DCST2: variants seen among roughly 807,000 people sequenced by gnomAD.
DCST2 encodes the protein DC-STAMP domain-containing protein 2.
Under a neutral mutation model 81.8 loss-of-function variants are expected in DCST2, and 64 were observed. That is an observed-to-expected ratio of 0.78 (90% CI 0.64 to 0.96). The LOEUF (loss-of-function observed/expected upper bound fraction) is 0.96. Among genes scored for constraint, DCST2 ranks in the 40% least tolerant of loss-of-function variants. The pLI is 0.00. For synonymous variants in DCST2, 354 were observed against 402.6 expected, an observed-to-expected ratio of 0.88 and a Z score of 1.44; for missense variants, 945 against 1,001.4, an observed-to-expected ratio of 0.94 and a Z score of 0.76.
At chr1:155,031,317 G>T (rs1365108585) in intron 4 of DCST2, 83 bp from the exon 5 acceptor site, 5 of 1,393,032 alleles carry the variant, frequency 3.6e-6, no homozygotes, top group East Asian at 4.7e-5. Context: ...TTCTCACAGG[G>T]CCTCTTTTCG....
chr1:155,026,361 T>C lies in DCST2; in HGVS notation c.1552A>G (p.Ser518Gly), dbSNP rs762263892. Reference protein sequence around the residue: ...GLCFFITLFGSYVSRLRRVIC... With the variant: ...GLCFFITLFGGYVSRLRRVIC... ...ACTCGCCGCAGCCGGCTGACATAGC[T>C]GCCAAACAGGGTGATGAAGAAGCAT... Residue 518 changes from serine (S) to glycine (G), a missense_variant, in exon 10 of 15, where the codon AGC (serine) becomes GGC (glycine). Ser to Gly is a moderately conservative substitution (Grantham distance 56). Transcript: ENST00000368424. The C allele has an allele frequency of 1.2e-6, 2 of 1,613,790 alleles. No homozygotes were observed. Among genetic ancestry groups the C allele is most frequent in the South Asian group, 1.1e-5 (1 of 91,084 alleles).
chr1:155,023,578 G>A (rs1055156042), intron 12 of DCST2, 121 bp from the exon 13 acceptor site: 1 of 1,546,762 alleles, frequency 6.5e-7, no homozygotes, highest in African/African-American at 1.4e-5. Context: ...TTGTCAAGGG[G>A]TGCACACTAG....
intron 8 of DCST2, 24 bp downstream of exon 8, chr1:155,029,209 G>A: frequency 6.2e-7 from 1 of 1,610,674 alleles, no homozygotes; most frequent in Non-Finnish European, 8.5e-7. Context: ...GTGAGTGGGA[G>A]GAGGCTGTCA....
chr1:155,027,554 CT>C (rs779621299), intron 8 of DCST2, among the ~76,000 whole-genome samples: 16,221 of 65,522 alleles, frequency 0.25, 613 homozygotes, highest in Middle Eastern at 0.38. Context: ...TTTTTTACTT[CT>C]TTTTTTTTTT....
chr1:155,031,391 C>T (rs1241956454), intron 4 of DCST2, among the ~76,000 whole-genome samples, 157 bp from the exon 5 acceptor site: 1 of 152,006 alleles, frequency 6.6e-6, no homozygotes, highest in Non-Finnish European at 1.5e-5. Context: ...CCCTTCTCTC[C>T]CAACACCAGT....
At chr1:155,018,805 C>G (rs774135734) in intron 14 of DCST2, 45 bp from the exon 15 acceptor site, 5 of 1,573,992 alleles carry the variant, frequency 3.2e-6, no homozygotes, top group Non-Finnish European at 4.3e-6. Context: ...CACCTTCTGT[C>G]TTCACAGGTG....
At chr1:155,023,532 C>T (rs1571543337) in intron 12 of DCST2, 75 bp from the exon 13 acceptor site, 1 of 1,549,632 alleles carries the variant, frequency 6.5e-7, no homozygotes. Flanking sequence ...GTTGCCAGCC[C>T]CTGCCTCCCC....
Position 155,024,585 on chromosome 1 carries a change from C to T in DCST2, c.1629G>A (p.Leu543=), listed in dbSNP as rs757452360. Residue 543 remains leucine, a synonymous_variant, in exon 11 of 15, where the codon CTG becomes CTA. Transcript: ENST00000368424. Reference sequence around the variant, plus strand: ...TTCGGCGGCTCAGAAGTACATTGTACAGGTAGGAGATCCTCTCCTGGTGCG... The same window carrying T: ...TTCGGCGGCTCAGAAGTACATTGTATAGGTAGGAGATCCTCTCCTGGTGCG... ...PSREQERISY[L]YNVLLSRRTN... 7 of 1,605,084 alleles carry T rather than the reference C, an allele frequency of 4.4e-6. No homozygotes were observed. In the East Asian group the frequency reaches 1.6e-4, roughly 36 times the overall value.
In DCST2 at chr1:155,024,405, A is replaced by G. The variant is rs967090096; in HGVS notation, c.1742+67T>C. On this transcript the variant is annotated intron_variant, in intron 11 of 14. Transcript: ENST00000368424. ...TGACACTTAGATAGCACAGAAATCCATTCCAACTCCTGGCTCTTTTTCTAT... is the reference window on the plus strand; with the variant it reads ...TGACACTTAGATAGCACAGAAATCCGTTCCAACTCCTGGCTCTTTTTCTAT... 19 of 1,495,460 alleles carry G rather than the reference A, an allele frequency of 1.3e-5. No homozygotes were observed. In the Admixed American group the frequency reaches 4.3e-4, roughly 34 times the overall value. 92.6% of individuals were successfully genotyped at this position (1,495,460 alleles called of 1,614,324 possible). A position where few individuals can be genotyped will look rare whatever the true frequency, so the allele number is the denominator to read the frequency against.
At position 155,033,706 on chromosome 1, in the gene DCST2, G is replaced by A; in HGVS notation, c.-5C>T. 1 of 1,610,864 alleles carries A rather than the reference G, an allele frequency of 6.2e-7. No homozygotes were observed. The highest frequency in any genetic ancestry group is 8.5e-7 in the Non-Finnish European group (1 of 1,177,832). Reference sequence around the variant, plus strand: ...ATCCTTCATGACTTTGGGCATGGCTGCTGAGACCAAATGTCTGCCTGTCTC... The same window carrying A: ...ATCCTTCATGACTTTGGGCATGGCTACTGAGACCAAATGTCTGCCTGTCTC... On this transcript the variant is annotated 5_prime_UTR_variant, in exon 1 of 15. Coordinates refer to ENST00000368424, the MANE Select transcript of DCST2 (RefSeq NM_144622.3).
intron 7 of DCST2, 115 bp from the exon 8 acceptor site, chr1:155,029,512 G>T: frequency 2.0e-6 from 2 of 1,017,838 alleles, no homozygotes; most frequent in Non-Finnish European, 2.9e-6. Flanking sequence ...TGCTCATCAG[G>T]AATACGGAAA....
At chr1:155,026,930 C>CTGGT (rs1659927836) in intron 8 of DCST2, among the ~76,000 whole-genome samples, 1 of 152,234 alleles carries the variant, frequency 6.6e-6, no homozygotes, top group Non-Finnish European at 1.5e-5. Context: ...CTGGGTGGTA[C>CTGGT]TGGTGTCTGG....
Position 155,024,561 on chromosome 1 carries a change from T to G in DCST2, c.1653A>C (p.Arg551=). 6.2e-7 allele frequency: 1 copy of G among 1,609,642 alleles called. No individual in the cohort carries two copies. The highest frequency in any genetic ancestry group is 8.5e-7 in the Non-Finnish European group (1 of 1,177,928). ...SYLYNVLLSR[R]TNLLAALHRS... The stretch of plus-strand genomic sequence containing the variant: ...GGTGCAGGGCAGCCAACAGATTGGT[T>G]CGGCGGCTCAGAAGTACATTGTACA... The change falls in exon 11 of 15, where the codon CGA becomes CGC. Residue 551 remains arginine (R), a synonymous_variant. Coordinates refer to ENST00000368424, the MANE Select transcript of DCST2 (RefSeq NM_144622.3).
chr1:155,021,911 G>A (rs1456204694), intron 14 of DCST2, among the ~76,000 whole-genome samples: 1 of 151,484 alleles, frequency 6.6e-6, no homozygotes. Flanking sequence ...ATCCAGGCTG[G>A]GCTGGAGTGC....
At chr1:155,021,200 T>A (rs952093286) in intron 14 of DCST2, among the ~76,000 whole-genome samples, 1 of 151,526 alleles carries the variant, frequency 6.6e-6, no homozygotes, top group Non-Finnish European at 1.5e-5. Flanking sequence ...GGGGTTTCAC[T>A]ATGTTAGCCA....
In DCST2 at chr1:155,022,169, C is replaced by T. The variant is rs148741447; in HGVS notation, c.2105+948G>A. ...GGCATGAGCCACCGTGCCCGGCCCG[C>T]TTATGGTCTTAAAAGACAAATATGA... is the stretch of plus-strand genomic sequence containing the variant. On this transcript the variant is annotated intron_variant, in intron 14 of 14. Coordinates refer to ENST00000368424, the MANE Select transcript of DCST2 (RefSeq NM_144622.3). Among the ~76,000 whole-genome samples, 90 of 152,250 alleles carry T rather than the reference C, an allele frequency of 5.9e-4. No individual in the cohort carries two copies. The East Asian group carries it at 0.017, about 28-fold the overall frequency.
rs1206863857 is a variant in DCST2 at position 155,029,302 on chromosome 1, G to T, written c.1273C>A (p.Leu425Ile). The part of the protein sequence containing the change: ...HLLLVLFLVF[L>I]DYAVFWVLDL... ...AGCACCCAGAAGACAGCATAGTCTA[G>T]GAAGACTAGGAACAGCACGAGGAGG... is the stretch of plus-strand genomic sequence containing the variant. The change falls in exon 8 of 15, where the codon CTA becomes ATA. Residue 425 changes from leucine to isoleucine, a missense_variant. Transcript: ENST00000368424. 1 of 1,614,120 alleles carries T rather than the reference G, an allele frequency of 6.2e-7. No individual in the cohort carries two copies. The highest frequency in any genetic ancestry group is 1.7e-5 in the Admixed American group (1 of 60,006).
chr1:155,032,656 A>G lies in DCST2; in HGVS notation c.541+11T>C, dbSNP rs1326939621. ...TTTGAGTCCCCGGGATAGACATGCT[A>G]ATGTGCTTACCTATGTGTTTCACAC... On this transcript the variant is annotated intron_variant, in intron 3 of 14. Coordinates refer to ENST00000368424, the MANE Select transcript of DCST2 (RefSeq NM_144622.3). The G allele has an allele frequency of 7.4e-6, 12 of 1,612,188 alleles. No individual in the cohort carries two copies. Among genetic ancestry groups the G allele is most frequent in the Non-Finnish European group, 1.0e-5 (12 of 1,178,740 alleles).
At chr1:155,024,182 G>C (rs1053613484) in intron 11 of DCST2, among the ~76,000 whole-genome samples, 2 of 152,072 alleles carry the variant, frequency 1.3e-5, no homozygotes, top group Admixed American at 1.3e-4. Flanking sequence ...ATAGCATTAG[G>C]AGACATACCT....
Sources: allele counts gnomAD v4.1 joint callset (sites outside exome capture counted in the v4.1 genomes callset), GRCh38; gene constraint gnomAD v4.1.1; transcripts MANE v1.5; gene names NCBI Gene and HGNC (gene_info 2026-07-23, HGNC 2026-07-21).